The following PRKG2 variants were observed in gnomAD, a reference collection of about 807,000 sequenced individuals.
PRKG2 encodes protein kinase cGMP-dependent 2, also known as cGMP-dependent protein kinase 2.
Under a neutral mutation model 97.2 loss-of-function variants are expected in PRKG2, and 33 were observed. The observed-to-expected ratio is 0.34, with a 90% CI of 0.26 to 0.45. The LOEUF (loss-of-function observed/expected upper bound fraction) is 0.45. Ranked by LOEUF, PRKG2 falls within the 20% of genes least tolerant of loss-of-function variation. The probability of loss-of-function intolerance (pLI) is 1.00; values close to 1 mark genes in which losing one functional copy is unlikely to be tolerated. For missense variants in PRKG2, 638 were observed against 900.0 expected (o/e 0.71, Z 3.73); for synonymous variants, 330 against 321.8 (o/e 1.03, Z -0.27).
At chr4:81,113,709 G>A (rs2218365) in intron 14 of PRKG2, among the ~76,000 whole-genome samples, 2,861 of 152,074 alleles carry the variant, frequency 0.019, 78 homozygotes, top group African/African-American at 0.065. Flanking sequence ...ACACAAAATG[G>A]CCAGTCTAAT....
At chr4:81,121,469 C>T (rs1161963722) in intron 14 of PRKG2, among the ~76,000 whole-genome samples, 1 of 152,146 alleles carries the variant, frequency 6.6e-6, no homozygotes, top group Non-Finnish European at 1.5e-5. Flanking sequence ...ATTGATTTAA[C>T]TTCTTTAATA....
chr4:81,148,812 G>T, intron 9 of PRKG2, 72 bp downstream of exon 9: 4 of 1,280,378 alleles, frequency 3.1e-6, no homozygotes, highest in Non-Finnish European at 4.6e-6. Flanking sequence ...AAACAGATCG[G>T]CCTTGAAGTA....
chr4:81,122,448 A>G (rs1183039097), intron 14 of PRKG2, among the ~76,000 whole-genome samples: 1 of 152,162 alleles, frequency 6.6e-6, no homozygotes, highest in African/African-American at 2.4e-5. Flanking sequence ...TCATTTTGGA[A>G]AAAATCAGGC....
In PRKG2 at chr4:81,164,078, T is replaced by C. The variant is rs76139730; in HGVS notation, c.912+3083A>G. 8.7e-4 allele frequency among the ~76,000 whole-genome samples: 132 copies of C among 152,312 alleles called. 1 individual carries two copies. The highest frequency in any genetic ancestry group is 3.0e-3 in the African/African-American group (125 of 41,568). On this transcript the variant is annotated intron_variant, in intron 6 of 18. Transcript: ENST00000264399. ...GTGGGCCCAGTCAGCCATTCGGGCA[T>C]GTAGCACCTGATTGGTTATTTTCAA...
In PRKG2 at chr4:81,091,909, T is replaced by C. The variant is rs569654415; in HGVS notation, c.2193+477A>G. Among the ~76,000 whole-genome samples, 96 of 152,282 alleles carry C rather than the reference T, an allele frequency of 6.3e-4. 1 individual carries two copies. Among genetic ancestry groups the C allele is most frequent in the Non-Finnish European group, 9.7e-4 (66 of 68,014 alleles). ...CTGAGATGTGCTGTAACAGTAAAAT[T>C]CACTTGGGATTTAGAAAATTTATTA... On this transcript the variant is annotated intron_variant, in intron 18 of 18. Coordinates refer to ENST00000264399, the MANE Select transcript of PRKG2 (RefSeq NM_006259.3).
intron 14 of PRKG2, among the ~76,000 whole-genome samples, chr4:81,130,041 T>C (rs1015793400): frequency 6.6e-6 from 1 of 152,228 alleles, no homozygotes; most frequent in African/African-American, 2.4e-5. Context: ...TGACAAAATC[T>C]TTCGGCATTT....
At chr4:81,100,455 A>C (rs1742624440) in intron 17 of PRKG2, among the ~76,000 whole-genome samples, 1 of 152,164 alleles carries the variant, frequency 6.6e-6, no homozygotes, top group Admixed American at 6.6e-5. Flanking sequence ...CAAAAACAAG[A>C]AATGGGGAAA....
chr4:81,186,733 C>T (rs1160060687), intron 2 of PRKG2, among the ~76,000 whole-genome samples: 5 of 151,954 alleles, frequency 3.3e-5, no homozygotes, highest in African/African-American at 1.2e-4. Context: ...CCTAGCCAGA[C>T]TAATAAAGAA....
At chr4:81,156,701 G>A (rs1382755989) in intron 6 of PRKG2, among the ~76,000 whole-genome samples, 8 of 152,144 alleles carry the variant, frequency 5.3e-5, no homozygotes, top group Admixed American at 1.3e-4. Flanking sequence ...CTCAGCAAAT[G>A]TAAAAGAACA....
At chr4:81,202,668 C>T (rs749242508) in intron 2 of PRKG2, among the ~76,000 whole-genome samples, 16 of 152,000 alleles carry the variant, frequency 1.1e-4, no homozygotes, top group Non-Finnish European at 2.2e-4. Flanking sequence ...CTTCCTGTGT[C>T]CCATTCACTA....
intron 6 of PRKG2, among the ~76,000 whole-genome samples, chr4:81,160,651 A>G (rs773111363): frequency 6.6e-6 from 1 of 152,182 alleles, no homozygotes; most frequent in African/African-American, 2.4e-5. Context: ...ATATCCAAAG[A>G]TTTGTCATCA....
At chr4:81,126,086 C>T (rs7656510) in intron 14 of PRKG2, among the ~76,000 whole-genome samples, 47,812 of 152,010 alleles carry the variant, frequency 0.31, 12,096 homozygotes, top group African/African-American at 0.69. Flanking sequence ...GGTCCATGTG[C>T]TCTCATCGTT....
chr4:81,153,853 T>C (rs925918509), intron 6 of PRKG2, 132 bp from the exon 7 acceptor site: 81 of 640,940 alleles, frequency 1.3e-4, no homozygotes, highest in Non-Finnish European at 1.9e-5. Flanking sequence ...CCATCTGAGG[T>C]ACCGGGTTCA....
At chr4:81,210,243 T>A (rs914093545) in intron 1 of PRKG2, among the ~76,000 whole-genome samples, 7 of 150,594 alleles carry the variant, frequency 4.6e-5, no homozygotes, top group Non-Finnish European at 8.8e-5. Context: ...TTTGACTTGA[T>A]TAAAATTTAA....
intron 4 of PRKG2, among the ~76,000 whole-genome samples, chr4:81,170,649 C>T (rs1750381786): frequency 6.6e-6 from 1 of 151,974 alleles, no homozygotes; most frequent in Non-Finnish European, 1.5e-5. Flanking sequence ...GTCCCAAACA[C>T]TGAAAAACAT....
At chr4:81,175,055 CA>C in intron 2 of PRKG2, 96 bp from the exon 3 acceptor site, 13 of 1,208,280 alleles carry the variant, frequency 1.1e-5, no homozygotes, top group Non-Finnish European at 1.3e-5. Flanking sequence ...ATATTATCTA[CA>C]AACTTATAAC....
At chr4:81,211,764 A>G (rs1226854830) in intron 1 of PRKG2, among the ~76,000 whole-genome samples, 1 of 152,194 alleles carries the variant, frequency 6.6e-6, no homozygotes, top group Non-Finnish European at 1.5e-5. Context: ...TGGTAGCCAG[A>G]GAGAAAAACA....
intron 2 of PRKG2, among the ~76,000 whole-genome samples, chr4:81,180,915 T>C (rs1751349690): frequency 6.6e-6 from 1 of 152,074 alleles, no homozygotes; most frequent in Admixed American, 6.5e-5. Context: ...ACATGTGCCA[T>C]GTTGGTGTGC....
intron 14 of PRKG2, among the ~76,000 whole-genome samples, chr4:81,121,075 G>C (rs1745024617): frequency 6.6e-6 from 1 of 152,012 alleles, no homozygotes; most frequent in African/African-American, 2.4e-5. Context: ...TTTTCAGCCT[G>C]CTGGTGTAAT....
Sources: allele counts gnomAD v4.1 joint callset (sites outside exome capture counted in the v4.1 genomes callset), GRCh38; gene constraint gnomAD v4.1.1; transcripts MANE v1.5; gene names NCBI Gene and HGNC (gene_info 2026-07-23, HGNC 2026-07-21).